ADAT1: variants seen among roughly 807,000 people sequenced by gnomAD.
ADAT1 encodes the protein tRNA-specific adenosine deaminase 1.
In ADAT1, 58 loss-of-function variants were observed where a neutral mutation model predicts 58.6. That is an observed-to-expected ratio of 0.99 (90% CI 0.80 to 1.23). The LOEUF is 1.23. Among genes scored for constraint, ADAT1 ranks in the 50% most tolerant of loss-of-function variants. The pLI, the probability that ADAT1 is intolerant of heterozygous loss-of-function variation, is 0.00. For missense variants in ADAT1, 741 were observed against 608.6 expected, an observed-to-expected ratio of 1.22 and a Z score of -2.29; for synonymous variants, 254 against 220.8, an observed-to-expected ratio of 1.15 and a Z score of -1.33.
Position 75,603,173 on chromosome 16 carries a change from T to G in ADAT1, c.1290-2A>C. On this transcript the variant is annotated splice_acceptor_variant, in intron 8 of 9. Coordinates refer to ENST00000564657, the MANE Select transcript of ADAT1 (RefSeq NM_001324445.2). LOFTEE classifies it high-confidence loss of function. ...AGTTCCACTTTGCTGATTTGGGATCTGTTTGGAAAAAGAAGGCAAAGATGA... is the reference window on the plus strand; with the variant it reads ...AGTTCCACTTTGCTGATTTGGGATCGGTTTGGAAAAAGAAGGCAAAGATGA... 6.2e-7 allele frequency: 1 copy of G among 1,613,546 alleles called. No homozygotes were observed. Among genetic ancestry groups the G allele is most frequent in the Non-Finnish European group, 8.5e-7 (1 of 1,179,514 alleles).
intron 3 of ADAT1, chr16:75,618,841 C>T: frequency 1.8e-6 from 1 of 545,088 alleles, no homozygotes; most frequent in Admixed American, 3.6e-5. Context: ...CATTTTGGGC[C>T]AGAAAATTTT....
chr16:75,608,775 G>A (rs59487462), intron 7 of ADAT1, 68 bp downstream of exon 7: 22,612 of 1,552,652 alleles, frequency 0.015, 213 homozygotes, highest in Non-Finnish European at 0.017. Flanking sequence ...GGAGGATGCC[G>A]ACCCTCTGGG....
chr16:75,611,225 G>A (rs1262812231), intron 6 of ADAT1, among the ~76,000 whole-genome samples: 4 of 151,832 alleles, frequency 2.6e-5, no homozygotes, highest in Non-Finnish European at 5.9e-5. Flanking sequence ...AAACAAAGAA[G>A]AAAAAAACCA....
At chr16:75,614,373 A>T (rs1184387410) in intron 5 of ADAT1, among the ~76,000 whole-genome samples, 1 of 152,200 alleles carries the variant, frequency 6.6e-6, no homozygotes, top group African/African-American at 2.4e-5. Context: ...CTCTGTCCTT[A>T]CAGGAAACAG....
Position 75,612,785 on chromosome 16 carries a change from G to A in ADAT1, c.501C>T (p.His167=). Residue 167 remains histidine (H), a synonymous_variant, in exon 6 of 10, where the codon CAC becomes CAT. Coordinates refer to ENST00000564657, the MANE Select transcript of ADAT1 (RefSeq NM_001324445.2). ...PCCPVFRNWA[H]NSSVEASSNL... ...TACTACTGGCTTCTACTGATGAGTT[G>A]TGGGCCCAATTTCTGAAGACAGGAC... is the stretch of plus-strand genomic sequence containing the variant. The A allele has an allele frequency of 6.2e-7, 1 of 1,614,014 alleles. No homozygotes were observed. The highest frequency in any genetic ancestry group is 8.5e-7 in the Non-Finnish European group (1 of 1,180,028).
At chr16:75,620,577 C>A in intron 2 of ADAT1, 54 bp downstream of exon 2, 2 of 1,591,500 alleles carry the variant, frequency 1.3e-6, no homozygotes, top group South Asian at 1.1e-5. Context: ...TACAGCAATG[C>A]ATAATTTTAC....
intron 7 of ADAT1, chr16:75,608,549 C>T: frequency 1.7e-6 from 1 of 580,284 alleles, no homozygotes; most frequent in Non-Finnish European, 3.0e-6. Flanking sequence ...TTATTATTTG[C>T]TGGGCACAGA....
chr16:75,611,990 G>A (rs1337844649), intron 6 of ADAT1, among the ~76,000 whole-genome samples: 2 of 152,042 alleles, frequency 1.3e-5, no homozygotes, highest in African/African-American at 2.4e-5. Context: ...CCCAGGAGGC[G>A]GTGGCTGCAG....
At chr16:75,603,237 G>T in intron 8 of ADAT1, 66 bp from the exon 9 acceptor site, 1 of 1,395,370 alleles carries the variant, frequency 7.2e-7, no homozygotes, top group Non-Finnish European at 1.0e-6. Context: ...CCCTATCAAA[G>T]ATGCCAGGCT....
chr16:75,600,936 T>C (rs536713671), intron 9 of ADAT1, among the ~76,000 whole-genome samples: 74 of 152,306 alleles, frequency 4.9e-4, no homozygotes, highest in African/African-American at 1.6e-3. Flanking sequence ...TTGTAGGGAA[T>C]TCACGAGAAA....
intron 5 of ADAT1, among the ~76,000 whole-genome samples, chr16:75,615,684 T>C (rs1431852189): frequency 6.6e-6 from 1 of 152,236 alleles, no homozygotes; most frequent in African/African-American, 2.4e-5. Flanking sequence ...AATAAGGCTA[T>C]AGCTGTCACT....
rs369327793 is a variant in ADAT1, at chr16:75,602,701, T to A, written c.1376+384A>T. Among the ~76,000 whole-genome samples, 5 of 152,308 alleles carry A rather than the reference T, an allele frequency of 3.3e-5. No homozygotes were observed. The East Asian group carries it at 9.6e-4, about 29-fold the overall frequency. On this transcript the variant is annotated intron_variant, in intron 9 of 9. Transcript: ENST00000564657. Reference sequence around the variant, plus strand: ...TTTTAAAGTTCTTTGAATTTTTGTTTGAAGAGCAATTTAAGTCATGGAGCT... The same window carrying A: ...TTTTAAAGTTCTTTGAATTTTTGTTAGAAGAGCAATTTAAGTCATGGAGCT...
rs2081180172 is a variant in ADAT1 at position 75,599,971 on chromosome 16, GA to G, written c.*244del. 1 of 1,229,126 alleles carries G rather than the reference GA, an allele frequency of 8.1e-7. No individual in the cohort carries two copies. Among genetic ancestry groups the G allele is most frequent in the South Asian group, 2.8e-5 (1 of 36,080 alleles). The allele number at this position is 1,229,126 out of a possible 1,614,324, so 76.1% of individuals were successfully genotyped here. A position where few individuals can be genotyped will look rare whatever the true frequency, so the allele number is the denominator to read the frequency against. On this transcript the variant is annotated 3_prime_UTR_variant, in exon 10 of 10. Transcript: ENST00000564657. ...CCAAACTCTGATTTCATATTTTAGA[GA>G]AGCAATAAAACACAATGGAAGTCAG...
At chr16:75,620,872 G>C in intron 1 of ADAT1, 52 bp from the exon 2 acceptor site, 1 of 1,480,504 alleles carries the variant, frequency 6.8e-7, no homozygotes, top group Non-Finnish European at 9.2e-7. Context: ...ACCAGTGCAC[G>C]ATGCTACAGC....
In ADAT1 at chr16:75,608,252, T is replaced by G. The variant is rs2081422970; in HGVS notation, c.1261A>C (p.Lys421Gln). The G allele has an allele frequency of 6.2e-7, 1 of 1,613,970 alleles. No homozygotes were observed. The highest frequency in any genetic ancestry group is 8.5e-7 in the Non-Finnish European group (1 of 1,179,974). ...TANGFPQGTTKKTIGSLQARS... is the reference protein window; with the variant it reads ...TANGFPQGTTQKTIGSLQARS... ...GCCTGAAGGCTTCCAATTGTTTTCT[T>G]TGTTGTTCCCTGTGGAAAGCCATTG... The change falls in exon 8 of 10, where the codon AAG becomes CAG. Residue 421 changes from lysine (K) to glutamine (Q), a missense_variant. Coordinates refer to ENST00000564657, the MANE Select transcript of ADAT1 (RefSeq NM_001324445.2).
At position 75,621,002 on chromosome 16, in the gene ADAT1, C is replaced by A. The variant is rs756465822; in HGVS notation, c.-21-182G>T. Among the ~76,000 whole-genome samples, 10 of 152,032 alleles carry A rather than the reference C, an allele frequency of 6.6e-5. No individual in the cohort carries two copies. The highest frequency in any genetic ancestry group is 1.5e-4 in the Non-Finnish European group (10 of 68,018). The stretch of plus-strand genomic sequence containing the variant: ...CCCCTTTTCATCTTTAATGAAAGAT[C>A]AAAGAAACCCCAAATTCTACCAATC... On this transcript the variant is annotated intron_variant, in intron 1 of 9. Transcript: ENST00000564657.
In ADAT1 at chr16:75,598,623, AT is replaced by A. The variant is rs1220795631; in HGVS notation, c.*1592del. Among the ~76,000 whole-genome samples, 1 of 150,480 alleles carries A rather than the reference AT, an allele frequency of 6.6e-6. No homozygotes were observed. The highest frequency in any genetic ancestry group is 2.5e-5 in the African/African-American group (1 of 40,764). On this transcript the variant is annotated 3_prime_UTR_variant, in exon 10 of 10. Coordinates refer to ENST00000564657, the MANE Select transcript of ADAT1 (RefSeq NM_001324445.2). ...AACCTCCGCCTCCCAGGTTCAAGTG[AT>A]TCTCCTGCCTCAGCCTCCCAAGTAG...
At chr16:75,621,995 A>C (rs2151790358) in intron 1 of ADAT1, among the ~76,000 whole-genome samples, 1 of 152,270 alleles carries the variant, frequency 6.6e-6, no homozygotes, top group South Asian at 2.1e-4. Flanking sequence ...TGAAAATACA[A>C]AAAAATTAGC....
intron 8 of ADAT1, among the ~76,000 whole-genome samples, chr16:75,603,562 G>C (rs2081282232): frequency 6.6e-6 from 1 of 152,160 alleles, no homozygotes; most frequent in African/African-American, 2.4e-5. Flanking sequence ...TGTGTGAACT[G>C]TCATTATAAA....
Sources: gnomAD v4.1 joint callset for allele counts (sites outside exome capture counted in the v4.1 genomes callset) on GRCh38, gnomAD v4.1.1 for gene constraint, MANE v1.5 for transcripts, NCBI Gene and HGNC (gene_info 2026-07-23, HGNC 2026-07-21) for gene names.